The following RIPOR3 variants were observed in gnomAD, a reference collection of about 807,000 sequenced individuals.
RIPOR3 encodes family with sequence similarity 65 member C.
RIPOR3 carries 95 observed loss-of-function variants against 114.3 expected under a neutral mutation model. That is an observed-to-expected ratio of 0.83 (90% CI 0.70 to 0.99). RIPOR3 has a LOEUF of 0.99. Among genes scored for constraint, RIPOR3 ranks in the 50% least tolerant of loss-of-function variants. The pLI is 0.00. For synonymous variants in RIPOR3, 575 were observed against 543.8 expected (o/e 1.06, Z -0.80); for missense variants, 1,252 against 1,266.9 (o/e 0.99, Z 0.18).
intron 1 of RIPOR3, chr20:50,660,281 G>T (rs528150705): frequency 6.6e-6 from 1 of 152,176 alleles, no homozygotes; most frequent in Non-Finnish European, 1.5e-5. Context: ...AAAGAAAAGA[G>T]ACTTATTTCA....
chr20:50,653,637 C>T (rs2085700599), intron 1 of RIPOR3, among the ~76,000 whole-genome samples: 1 of 151,036 alleles, frequency 6.6e-6, no homozygotes, highest in East Asian at 1.9e-4. Flanking sequence ...GTTGTCCATG[C>T]TAGAGTGCAG....
At chr20:50,594,028 T>A (rs1057432274) in intron 17 of RIPOR3, among the ~76,000 whole-genome samples, 4 of 151,916 alleles carry the variant, frequency 2.6e-5, no homozygotes, top group African/African-American at 9.7e-5. Flanking sequence ...CCCAGCACTT[T>A]GGGAGGCCGA....
At chr20:50,671,979 T>A (rs2086520674) in intron 1 of RIPOR3, among the ~76,000 whole-genome samples, 1 of 98,156 alleles carries the variant, frequency 1.0e-5, no homozygotes, top group Admixed American at 1.2e-4. Context: ...GGTGGATGGG[T>A]GCGTGGATGG....
intron 11 of RIPOR3, among the ~76,000 whole-genome samples, chr20:50,607,314 C>G (rs766761781): frequency 6.6e-6 from 1 of 152,166 alleles, no homozygotes; most frequent in South Asian, 2.1e-4. Flanking sequence ...GGAATCCAGG[C>G]GAGCGCATGG....
At chr20:50,634,885 T>C (rs1175706841) in intron 1 of RIPOR3, among the ~76,000 whole-genome samples, 2 of 151,964 alleles carry the variant, frequency 1.3e-5, no homozygotes, top group Admixed American at 6.5e-5. Context: ...ACACAAAAAT[T>C]AGCCGGGCGT....
At chr20:50,686,100 A>G (rs1020548699) in intron 1 of RIPOR3, among the ~76,000 whole-genome samples, 20 of 152,020 alleles carry the variant, frequency 1.3e-4, no homozygotes, top group Non-Finnish European at 2.8e-4. Flanking sequence ...CTGTTGCCCC[A>G]GGCTGGAGTG....
chr20:50,640,472 A>G (rs1334578624), intron 1 of RIPOR3, among the ~76,000 whole-genome samples: 1 of 149,104 alleles, frequency 6.7e-6, no homozygotes, highest in East Asian at 2.0e-4. Flanking sequence ...AAGACGCCTG[A>G]GCTTGGTGAA....
At chr20:50,604,864 G>A in intron 11 of RIPOR3, 90 bp from the exon 12 acceptor site, 2 of 1,484,948 alleles carry the variant, frequency 1.3e-6, no homozygotes, top group African/African-American at 1.4e-5. Context: ...GGTTATGCAG[G>A]TAGATGGTCT....
At chr20:50,633,326 T>C (rs1402309037) in intron 1 of RIPOR3, among the ~76,000 whole-genome samples, 2 of 152,214 alleles carry the variant, frequency 1.3e-5, no homozygotes, top group Non-Finnish European at 2.9e-5. Context: ...TTTGTGAGCC[T>C]GTTGACATCA....
chr20:50,628,546 C>T (rs1410846031), intron 2 of RIPOR3, among the ~76,000 whole-genome samples: 3 of 152,140 alleles, frequency 2.0e-5, no homozygotes, highest in Admixed American at 6.5e-5. Context: ...CTGTCCCTTC[C>T]TGCCTCCACT....
intron 1 of RIPOR3, among the ~76,000 whole-genome samples, chr20:50,679,135 A>AAATAT (rs2086773516): frequency 4.8e-5 from 1 of 20,774 alleles, no homozygotes; most frequent in African/African-American, 1.3e-4. Flanking sequence ...AAAAAAAAAA[A>AAATAT]ATATATATAT....
At chr20:50,635,273 C>T (rs2084944551) in intron 1 of RIPOR3, among the ~76,000 whole-genome samples, 2 of 152,220 alleles carry the variant, frequency 1.3e-5, no homozygotes, top group Non-Finnish European at 2.9e-5. Flanking sequence ...TGCCTGCTAC[C>T]TGCTCTGAGG....
chr20:50,673,641 C>T (rs986376143), intron 1 of RIPOR3, among the ~76,000 whole-genome samples: 5 of 152,206 alleles, frequency 3.3e-5, no homozygotes, highest in East Asian at 3.8e-4. Context: ...AATTACTCCA[C>T]GTCCAAGACA....
At chr20:50,663,056 C>A in intron 1 of RIPOR3, among the ~76,000 whole-genome samples, 1 of 148,228 alleles carries the variant, frequency 6.7e-6, no homozygotes, top group Non-Finnish European at 1.5e-5. Context: ...AAGATCTCAC[C>A]ACTGTACTCC....
At chr20:50,630,540 ACTCTGTCT>A (rs1471748669) in intron 2 of RIPOR3, among the ~76,000 whole-genome samples, 190 bp downstream of exon 2, 1 of 148,248 alleles carries the variant, frequency 6.7e-6, no homozygotes, top group South Asian at 2.1e-4. Flanking sequence ...ACACTAAGAA[ACTCTGTCT>A]CTCTGTCTCT....
At chr20:50,661,595 A>G (rs951484824) in intron 1 of RIPOR3, among the ~76,000 whole-genome samples, 2 of 152,038 alleles carry the variant, frequency 1.3e-5, no homozygotes, top group African/African-American at 2.4e-5. Flanking sequence ...AAGCATTCTG[A>G]GGAGAGGCAA....
chr20:50,686,401 G>A (rs1307105257), intron 1 of RIPOR3, among the ~76,000 whole-genome samples: 3 of 152,028 alleles, frequency 2.0e-5, no homozygotes, highest in East Asian at 3.9e-4. Context: ...GAGTATAGGA[G>A]CTACTGAGGT....
At chr20:50,600,915 T>TC (rs1370068037) in intron 13 of RIPOR3, among the ~76,000 whole-genome samples, 1 of 152,250 alleles carries the variant, frequency 6.6e-6, no homozygotes, top group Non-Finnish European at 1.5e-5. Context: ...AAACTTTTTT[T>TC]CCCCTATGTT....
intron 1 of RIPOR3, among the ~76,000 whole-genome samples, chr20:50,658,784 G>A (rs546200230): frequency 4.6e-5 from 7 of 152,256 alleles, no homozygotes; most frequent in South Asian, 4.1e-4. Context: ...TTTAAAAGAT[G>A]ATGAAACTAA....
Sources: allele counts gnomAD v4.1 joint callset (sites outside exome capture counted in the v4.1 genomes callset), GRCh38; gene constraint gnomAD v4.1.1; transcripts MANE v1.5; gene names NCBI Gene and HGNC (gene_info 2026-07-23, HGNC 2026-07-21).